Variants in SCUBE1 observed in about 807,000 individuals in gnomAD.
SCUBE1 encodes signal peptide, CUB domain and EGF like domain containing 1.
In SCUBE1, 59 loss-of-function variants were observed where a neutral mutation model predicts 124.4. The ratio of observed to expected loss-of-function variants is 0.47; its 90% CI spans 0.38 to 0.59. The LOEUF (loss-of-function observed/expected upper bound fraction) is 0.59. SCUBE1 is among the 20% of genes least tolerant of loss of function. SCUBE1 has a pLI of 0.00. For missense variants in SCUBE1, 1,150 were observed against 1,371.2 expected (o/e 0.84, Z 2.55); for synonymous variants, 545 against 550.9 (o/e 0.99, Z 0.15).
At chr22:43,217,123 G>A (rs1266916494) in intron 15 of SCUBE1, among the ~76,000 whole-genome samples, 2 of 20,576 alleles carry the variant, frequency 9.7e-5, no homozygotes, top group African/African-American at 2.0e-4. Flanking sequence ...CCCCCCATCC[G>A]CCAGGTGTCA....
chr22:43,319,666 A>G (rs1926476319), intron 3 of SCUBE1, among the ~76,000 whole-genome samples: 1 of 151,936 alleles, frequency 6.6e-6, no homozygotes, highest in Admixed American at 6.6e-5. Context: ...GAAAGAAGGT[A>G]GCCACCTGCA....
intron 6 of SCUBE1, among the ~76,000 whole-genome samples, chr22:43,244,621 G>A (rs1048016083): frequency 3.9e-5 from 6 of 152,224 alleles, no homozygotes; most frequent in Non-Finnish European, 8.8e-5. Context: ...AGGGCGCTCT[G>A]TGGTGCACAA....
intron 6 of SCUBE1, among the ~76,000 whole-genome samples, chr22:43,256,942 C>A (rs896135047): frequency 2.0e-5 from 3 of 152,204 alleles, no homozygotes; most frequent in African/African-American, 7.2e-5. Context: ...TTTGGTTTGG[C>A]TTTTGGCTCT....
intron 3 of SCUBE1, among the ~76,000 whole-genome samples, chr22:43,294,629 C>G (rs1925490977): frequency 6.6e-6 from 1 of 152,244 alleles, no homozygotes; most frequent in Non-Finnish European, 1.5e-5. Flanking sequence ...TGCCCTGTAG[C>G]CTGTGGGCGA....
intron 6 of SCUBE1, among the ~76,000 whole-genome samples, chr22:43,245,800 T>C (rs982307045): frequency 6.6e-6 from 1 of 152,252 alleles, no homozygotes; most frequent in Non-Finnish European, 1.5e-5. Flanking sequence ...AGAACCGTGC[T>C]GCTTGGGGAA....
intron 1 of SCUBE1, among the ~76,000 whole-genome samples, chr22:43,342,195 G>A (rs1389648346): frequency 7.5e-6 from 1 of 133,338 alleles, no homozygotes; most frequent in Non-Finnish European, 1.5e-5. Context: ...GACGAGGAGG[G>A]GAGAATGTGA....
chr22:43,296,639 G>A (rs1047062639), intron 3 of SCUBE1, among the ~76,000 whole-genome samples: 11 of 152,212 alleles, frequency 7.2e-5, no homozygotes, highest in Non-Finnish European at 1.3e-4. Context: ...GTCCTGGGAG[G>A]AGCCTTTCAC....
chr22:43,204,288 A>T, intron 21 of SCUBE1, 139 bp from the exon 22 acceptor site: 1 of 673,402 alleles, frequency 1.5e-6, no homozygotes, highest in Non-Finnish European at 2.5e-6. Context: ...TGGTTTTAAT[A>T]GTATAACTGG....
intron 5 of SCUBE1, among the ~76,000 whole-genome samples, chr22:43,262,408 C>T (rs565105614): frequency 6.6e-6 from 1 of 152,336 alleles, no homozygotes; most frequent in Admixed American, 6.5e-5. Flanking sequence ...GAAACCTGGT[C>T]CTGTAGACCT....
chr22:43,341,033 CT>C (rs1927295973), intron 1 of SCUBE1, among the ~76,000 whole-genome samples: 1 of 146,732 alleles, frequency 6.8e-6, no homozygotes, highest in Non-Finnish European at 1.5e-5. Flanking sequence ...CTGCCCACCC[CT>C]GAAGGAAGAG....
chr22:43,286,240 C>T (rs765388699), intron 4 of SCUBE1, among the ~76,000 whole-genome samples: 11 of 152,244 alleles, frequency 7.2e-5, no homozygotes, highest in Admixed American at 3.9e-4. Flanking sequence ...ACAGATGAGA[C>T]ACAGAGAAGT....
At chr22:43,238,706 T>C (rs1454545756) in intron 7 of SCUBE1, 132 bp downstream of exon 7, 1 of 787,306 alleles carries the variant, frequency 1.3e-6, no homozygotes, top group South Asian at 1.4e-5. Flanking sequence ...AGCAAATGAT[T>C]GCCACGTGTC....
chr22:43,281,580 C>T lies in SCUBE1; in HGVS notation c.484+9466G>A, dbSNP rs1055214581. On this transcript the variant is annotated intron_variant, in intron 4 of 21. Transcript: ENST00000360835. ...CTCCCCCTCAGCCACCCTCCTGTCA[C>T]CTCCCTTCTCAGCCACCCTCCTGTC... Among the ~76,000 whole-genome samples the T allele has an allele frequency of 4.8e-5, 7 of 146,598 alleles. 1 individual carries two copies. Among genetic ancestry groups the T allele is most frequent in the East Asian group, 4.4e-4 (2 of 4,564 alleles).
At chr22:43,304,040 G>A (rs1925873141) in intron 3 of SCUBE1, among the ~76,000 whole-genome samples, 2 of 152,156 alleles carry the variant, frequency 1.3e-5, no homozygotes, top group African/African-American at 2.4e-5. Context: ...CGTGAAGGAC[G>A]CAGCTGGGCA....
chr22:43,218,514 C>T, intron 14 of SCUBE1, 56 bp from the exon 15 acceptor site: 3 of 1,579,184 alleles, frequency 1.9e-6, no homozygotes, highest in African/African-American at 1.3e-5. Flanking sequence ...TAGCCGCTGC[C>T]TTCTTAGCTG....
chr22:43,329,336 G>A (rs1030706316), intron 2 of SCUBE1, among the ~76,000 whole-genome samples: 3 of 152,260 alleles, frequency 2.0e-5, no homozygotes, highest in African/African-American at 7.2e-5. Flanking sequence ...GCCAGCATTG[G>A]GCGCCATGGA....
At chr22:43,311,940 G>A (rs56076125) in intron 3 of SCUBE1, among the ~76,000 whole-genome samples, 4,274 of 152,200 alleles carry the variant, frequency 0.028, 208 homozygotes, top group African/African-American at 0.097. Flanking sequence ...GTAAGACTTA[G>A]GCAAAAGGTG....
intron 4 of SCUBE1, among the ~76,000 whole-genome samples, chr22:43,279,124 G>GT (rs1458635787): frequency 1.3e-5 from 2 of 152,178 alleles, no homozygotes; most frequent in African/African-American, 4.8e-5. Flanking sequence ...AAGGGCAAGG[G>GT]TTTCAGATAC....
At chr22:43,291,687 G>A (rs1458912943) in intron 3 of SCUBE1, among the ~76,000 whole-genome samples, 2 of 152,170 alleles carry the variant, frequency 1.3e-5, no homozygotes, top group African/African-American at 2.4e-5. Context: ...GATGCTGCAC[G>A]GTGGTACTCC....
Sources: allele counts gnomAD v4.1 joint callset (sites outside exome capture counted in the v4.1 genomes callset), GRCh38; gene constraint gnomAD v4.1.1; transcripts MANE v1.5; gene names NCBI Gene and HGNC (gene_info 2026-07-23, HGNC 2026-07-21).